The following UNC5A variants were observed in gnomAD, a reference collection of about 807,000 sequenced individuals.
The protein encoded by UNC5A is unc-5 netrin receptor A, also known as netrin receptor UNC5A.
Under a neutral mutation model 87.4 loss-of-function variants are expected in UNC5A, and 20 were observed. The observed-to-expected ratio is 0.23, with a 90% CI of 0.16 to 0.33. The LOEUF is 0.33. UNC5A is among the 10% of genes least tolerant of loss of function. The pLI is 1.00. For missense variants in UNC5A, 844 were observed against 1,133.4 expected (o/e 0.74, Z 3.67); for synonymous variants, 438 against 482.3 (o/e 0.91, Z 1.20).
Position 176,810,819 on chromosome 5 carries a change from G to A in UNC5A, c.69G>A (p.Ser23=), listed in dbSNP as rs1756432100. 1.6e-6 allele frequency: 2 copies of A among 1,222,162 alleles called. No individual in the cohort carries two copies. Among genetic ancestry groups the A allele is most frequent in the African/African-American group, 1.6e-5 (1 of 64,008 alleles). 75.7% of individuals were successfully genotyped at this position (1,222,162 alleles called of 1,614,324 possible). The stretch of plus-strand genomic sequence containing the variant: ...TCCTCGCCGCTTGGCTCCGCGGCTC[G>A]GGTGAGTCACGCCGCGCGCGCTCTG... ...GIVLAAWLRG[S]GAQQSATVAN... is the part of the protein sequence containing the mutation. The change falls in exon 1 of 15, where the codon TCG becomes TCA. Residue 23 remains serine, a splice_region_variant and synonymous_variant. Transcript: ENST00000329542. The surrounding 1 kb of genome is among the most constrained non-coding windows in gnomAD (Gnocchi z 7.3).
chr5:176,864,340 C>T (rs1035366387), intron 2 of UNC5A, among the ~76,000 whole-genome samples: 10 of 152,182 alleles, frequency 6.6e-5, no homozygotes, highest in Non-Finnish European at 1.3e-4. Flanking sequence ...CGCTAAGGGG[C>T]CCCTGGAGGC....
rs1412837878 is a variant in UNC5A at position 176,865,477 on chromosome 5, C to T, written c.292+2632C>T. The T allele has an allele frequency of 1.2e-5, 5 of 400,646 alleles. No homozygotes were observed. The highest frequency in any genetic ancestry group is 8.3e-5 in the African/African-American group (4 of 48,316). The allele number at this position is 400,646 out of a possible 1,614,324, so 24.8% of individuals were successfully genotyped here. A position where few individuals can be genotyped will look rare whatever the true frequency, so the allele number is the denominator to read the frequency against. On this transcript the variant is annotated intron_variant, in intron 2 of 14. Coordinates refer to ENST00000329542, the MANE Select transcript of UNC5A (RefSeq NM_133369.3). This position sits in a 1 kb window ranked among gnomAD's most constrained non-coding sequence, Gnocchi z 5.3. The stretch of plus-strand genomic sequence containing the variant: ...GTTCTCTTCCTGCCGGGCAGAGAAG[C>T]AGAGCTTGGGACACGTCCCACCCGT...
chr5:176,810,760 C>G lies in UNC5A; in HGVS notation c.10C>G (p.Arg4Gly), dbSNP rs1272106510. The G allele has an allele frequency of 1.7e-6, 2 of 1,187,740 alleles. No homozygotes were observed. Among genetic ancestry groups the G allele is most frequent in the Non-Finnish European group, 2.1e-6 (2 of 960,464 alleles). 73.6% of individuals were successfully genotyped at this position (1,187,740 alleles called of 1,614,324 possible). The change falls in exon 1 of 15, where the codon CGG becomes GGG. Residue 4 changes from arginine (R) to glycine (G), a missense_variant. Around this residue, in one of 3 missense-constraint regions of UNC5A, gnomAD observed 314 missense variants for 466.5 expected, o/e 0.67. Transcript: ENST00000329542. The surrounding 1 kb of genome is among the most constrained non-coding windows in gnomAD (Gnocchi z 7.3). MAV[R>G]PGLWPALLGI... ...CTGCCCGCCCGCGGCCATGGCCGTC[C>G]GGCCCGGCCTGTGGCCAGCGCTCCT... is the stretch of plus-strand genomic sequence containing the variant.
chr5:176,840,369 G>T (rs1010431231), intron 1 of UNC5A, among the ~76,000 whole-genome samples: 4 of 152,156 alleles, frequency 2.6e-5, no homozygotes, highest in Non-Finnish European at 2.9e-5. Context: ...CTGTGAGTCG[G>T]GGGAGGGGCT....
In UNC5A at chr5:176,869,005, G is replaced by A. The variant is rs374908256; in HGVS notation, c.721+41G>A. ...CCCTGGTCACAGGGAGAGGCACTGC[G>A]GTGCCCCTGGGCAGTGACATGTGGC... On this transcript the variant is annotated intron_variant, in intron 5 of 14. Coordinates refer to ENST00000329542, the MANE Select transcript of UNC5A (RefSeq NM_133369.3). The surrounding 1 kb of genome is among the most constrained non-coding windows in gnomAD (Gnocchi z 9.1). 1.6e-5 allele frequency: 25 copies of A among 1,553,600 alleles called. No homozygotes were observed. The highest frequency in any genetic ancestry group is 1.8e-4 in the Middle Eastern group (1 of 5,634).
intron 2 of UNC5A, among the ~76,000 whole-genome samples, chr5:176,863,165 G>A (rs1468208116): frequency 6.6e-6 from 1 of 152,276 alleles, no homozygotes; most frequent in Non-Finnish European, 1.5e-5. Flanking sequence ...AGTTCCCACA[G>A]AGAGGCAGAC....
intron 1 of UNC5A, among the ~76,000 whole-genome samples, chr5:176,862,024 TA>T (rs1310531486): frequency 6.6e-6 from 1 of 152,232 alleles, no homozygotes; most frequent in Non-Finnish European, 1.5e-5. Context: ...CAGTTAAAAT[TA>T]GAAGGAAACC....
At chr5:176,827,979 C>T (rs1444950347) in intron 1 of UNC5A, among the ~76,000 whole-genome samples, 1 of 152,082 alleles carries the variant, frequency 6.6e-6, no homozygotes, top group Non-Finnish European at 1.5e-5. Context: ...CCCAGAGGTG[C>T]AGCTAGCTGT....
At position 176,879,952 on chromosome 5, in the gene UNC5A, G is replaced by A. The variant is rs937202129; in HGVS notation, c.*66G>A. On this transcript the variant is annotated 3_prime_UTR_variant, in exon 15 of 15. Transcript: ENST00000329542. ...CACCCACCAAGGACAGGCAGAAGCCGGACAGGGGCCCTTCCCCACACCGGG... is the reference window on the plus strand; with the variant it reads ...CACCCACCAAGGACAGGCAGAAGCCAGACAGGGGCCCTTCCCCACACCGGG... 41 of 1,532,174 alleles carry A rather than the reference G, an allele frequency of 2.7e-5. No homozygotes were observed. Among genetic ancestry groups the A allele is most frequent in the Admixed American group, 7.7e-5 (4 of 51,832 alleles). The allele number at this position is 1,532,174 out of a possible 1,614,324, so 94.9% of individuals were successfully genotyped here.
rs540957910 is a variant in UNC5A, at chr5:176,880,863, C to A, written c.*977C>A. 3.7e-5 allele frequency: 18 copies of A among 486,450 alleles called. No individual in the cohort carries two copies. The highest frequency in any genetic ancestry group is 5.3e-5 in the Non-Finnish European group (15 of 284,756). 30.1% of individuals were successfully genotyped at this position (486,450 alleles called of 1,614,324 possible). On this transcript the variant is annotated 3_prime_UTR_variant, in exon 15 of 15. Coordinates refer to ENST00000329542, the MANE Select transcript of UNC5A (RefSeq NM_133369.3). ...CGGGGCACATAGGGGTTTTATCGGG[C>A]GTGAATGTAAATAAATTATATATAT...
At chr5:176,839,789 T>C (rs899104100) in intron 1 of UNC5A, among the ~76,000 whole-genome samples, 2 of 148,118 alleles carry the variant, frequency 1.4e-5, no homozygotes, top group Non-Finnish European at 3.0e-5. Flanking sequence ...TTTCCCACTG[T>C]GGCTTCACGG....
Position 176,841,150 on chromosome 5 carries a change from A to G in UNC5A, c.71-21474A>G, listed in dbSNP as rs1447111863. Among the ~76,000 whole-genome samples, 1 of 152,274 alleles carries G rather than the reference A, an allele frequency of 6.6e-6. No individual in the cohort carries two copies. Among genetic ancestry groups the G allele is most frequent in the Non-Finnish European group, 1.5e-5 (1 of 68,050 alleles). The stretch of plus-strand genomic sequence containing the variant: ...GCTAAACTTGTAAGGTCAGGGGGTC[A>G]GGACCACATGGTAATGATCACGAGC... On this transcript the variant is annotated intron_variant, in intron 1 of 14. Coordinates refer to ENST00000329542, the MANE Select transcript of UNC5A (RefSeq NM_133369.3). This position sits in a 1 kb window ranked among gnomAD's most constrained non-coding sequence, Gnocchi z 4.1.
chr5:176,862,069 A>C (rs1183055102), intron 1 of UNC5A, among the ~76,000 whole-genome samples: 2 of 152,244 alleles, frequency 1.3e-5, no homozygotes, highest in Admixed American at 1.3e-4. Context: ...GAGGTGGCCC[A>C]GGTATCTCAG....
chr5:176,873,684 G>A (rs937467845), intron 6 of UNC5A, among the ~76,000 whole-genome samples: 2 of 152,150 alleles, frequency 1.3e-5, no homozygotes, highest in African/African-American at 4.8e-5. Flanking sequence ...TCCGCTCTGG[G>A]GAAGTAGCTC....
chr5:176,861,104 T>C (rs1757825752), intron 1 of UNC5A, among the ~76,000 whole-genome samples: 1 of 152,200 alleles, frequency 6.6e-6, no homozygotes, highest in Non-Finnish European at 1.5e-5. Context: ...ACCTGCCAGC[T>C]CTGTGCCTCA....
intron 1 of UNC5A, among the ~76,000 whole-genome samples, chr5:176,825,079 G>A (rs1561640959): frequency 6.6e-6 from 1 of 152,206 alleles, no homozygotes; most frequent in Non-Finnish European, 1.5e-5. Context: ...AAGTGGTGGA[G>A]GATAGTCAGG....
intron 1 of UNC5A, among the ~76,000 whole-genome samples, chr5:176,815,468 T>C (rs948932796): frequency 6.6e-6 from 1 of 152,262 alleles, no homozygotes; most frequent in Non-Finnish European, 1.5e-5. Context: ...CCAAGCCTCG[T>C]GTCCTTGGAC....
At chr5:176,831,951 C>T (rs2113608435) in intron 1 of UNC5A, among the ~76,000 whole-genome samples, 1 of 132,142 alleles carries the variant, frequency 7.6e-6, no homozygotes, top group South Asian at 2.4e-4. Context: ...GGCTGGAGTG[C>T]TGTGGTGCAA....
intron 1 of UNC5A, among the ~76,000 whole-genome samples, chr5:176,834,591 G>A (rs369798029): frequency 1.3e-5 from 2 of 151,930 alleles, no homozygotes; most frequent in Admixed American, 6.6e-5. Context: ...TCTGTTTGCC[G>A]AGAGACATAT....
Sources: allele counts gnomAD v4.1 joint callset (sites outside exome capture counted in the v4.1 genomes callset), GRCh38; gene constraint gnomAD v4.1.1; regional missense constraint gnomAD v4.1.1; non-coding constraint Gnocchi (gnomAD v3.1); transcripts MANE v1.5; gene names NCBI Gene and HGNC (gene_info 2026-07-23, HGNC 2026-07-21).